Variants in PLEKHM3 observed in about 807,000 individuals in gnomAD.
The protein encoded by PLEKHM3 is pleckstrin homology domain containing M3, also known as pleckstrin homology domain-containing family M member 3.
Under a neutral mutation model 81.8 loss-of-function variants are expected in PLEKHM3, and 45 were observed. The ratio of observed to expected loss-of-function variants is 0.55; its 90% CI spans 0.43 to 0.71. The LOEUF is 0.71. Ranked by LOEUF, PLEKHM3 falls within the 30% of genes least tolerant of loss-of-function variation. PLEKHM3 has a pLI of 0.00. For missense variants in PLEKHM3, 788 were observed against 924.3 expected (o/e 0.85, Z 1.91); for synonymous variants, 352 against 356.4 (o/e 0.99, Z 0.14).
At chr2:207,838,096 T>C (rs900554745) in intron 7 of PLEKHM3, among the ~76,000 whole-genome samples, 44 of 152,220 alleles carry the variant, frequency 2.9e-4, no homozygotes, top group Non-Finnish European at 6.0e-4. Flanking sequence ...TTTTATTAAG[T>C]CAGTCAGTAA....
At position 207,826,831 on chromosome 2, in the gene PLEKHM3, T is replaced by C. The variant is rs566088199; in HGVS notation, c.*1488A>G. 1 of 152,210 alleles carries C rather than the reference T, an allele frequency of 6.6e-6. No homozygotes were observed. Among genetic ancestry groups the C allele is most frequent in the Non-Finnish European group, 1.5e-5 (1 of 68,042 alleles). The allele number at this position is 152,210 out of a possible 1,614,324, so 9.4% of individuals were successfully genotyped here. A position where few individuals can be genotyped will look rare whatever the true frequency, so the allele number is the denominator to read the frequency against. Reference sequence around the variant, plus strand: ...GCGCGAAAGCTACAGAATCTTCTCATAAAGTCTACTGAGAACTGTTCCATT... The same window carrying C: ...GCGCGAAAGCTACAGAATCTTCTCACAAAGTCTACTGAGAACTGTTCCATT... On this transcript the variant is annotated 3_prime_UTR_variant, in exon 8 of 8. Transcript: ENST00000427836.
At chr2:207,971,961 G>T (rs1691136783) in intron 3 of PLEKHM3, among the ~76,000 whole-genome samples, 1 of 152,176 alleles carries the variant, frequency 6.6e-6, no homozygotes, top group African/African-American at 2.4e-5. Context: ...ATTTCACATA[G>T]TTCTACCTGG....
intron 6 of PLEKHM3, among the ~76,000 whole-genome samples, chr2:207,902,445 G>T (rs1197569634): frequency 2.0e-5 from 3 of 152,168 alleles, no homozygotes; most frequent in East Asian, 1.9e-4. Flanking sequence ...AACAGTTGAG[G>T]TAAGACCACT....
At chr2:207,909,725 C>T (rs960129827) in intron 5 of PLEKHM3, among the ~76,000 whole-genome samples, 3 of 152,116 alleles carry the variant, frequency 2.0e-5, no homozygotes, top group South Asian at 2.1e-4. Flanking sequence ...CTGGGTAGAG[C>T]CCATAAATCA....
At chr2:207,994,571 A>C (rs1391917405) in intron 2 of PLEKHM3, among the ~76,000 whole-genome samples, 2 of 151,972 alleles carry the variant, frequency 1.3e-5, no homozygotes, top group Admixed American at 6.6e-5. Context: ...GCCCACTCTC[A>C]GGGCTAGTTC....
chr2:208,024,625 A>G (rs1693258842), intron 1 of PLEKHM3, among the ~76,000 whole-genome samples: 1 of 152,224 alleles, frequency 6.6e-6, no homozygotes, highest in Non-Finnish European at 1.5e-5. Flanking sequence ...ATAATAAAAT[A>G]CTTTATAAAT....
chr2:207,882,334 G>A (rs867035773), intron 6 of PLEKHM3, among the ~76,000 whole-genome samples: 10 of 150,742 alleles, frequency 6.6e-5, no homozygotes, highest in African/African-American at 2.2e-4. Flanking sequence ...TGGGTTGGCC[G>A]GATGCGGTGG....
Position 207,976,244 on chromosome 2 carries a change from T to C in PLEKHM3, c.1546+407A>G, listed in dbSNP as rs528181356. ...GTGGCCATTTTCCTTGCCTAAGGAG[T>C]TTTAGTAGTCAGCTTTGGACTTGAA... On this transcript the variant is annotated intron_variant, in intron 3 of 7. Coordinates refer to ENST00000427836, the MANE Select transcript of PLEKHM3 (RefSeq NM_001080475.3). The surrounding 1 kb of genome is among the most constrained non-coding windows in gnomAD (Gnocchi z 4.1). Among the ~76,000 whole-genome samples, 1 of 152,200 alleles carries C rather than the reference T, an allele frequency of 6.6e-6. No homozygotes were observed. Among genetic ancestry groups the C allele is most frequent in the African/African-American group, 2.4e-5 (1 of 41,514 alleles).
chr2:207,967,646 C>T (rs1448496991), intron 3 of PLEKHM3, among the ~76,000 whole-genome samples: 1 of 152,208 alleles, frequency 6.6e-6, no homozygotes, highest in Admixed American at 6.5e-5. Context: ...AAAGTTATAG[C>T]GGCTTTTGCC....
chr2:207,843,325 A>G lies in PLEKHM3; in HGVS notation c.2109-14829T>C, dbSNP rs1252108810. 6.6e-6 allele frequency among the ~76,000 whole-genome samples: 1 copy of G among 152,166 alleles called. No individual in the cohort carries two copies. The highest frequency in any genetic ancestry group is 2.1e-4 in the South Asian group (1 of 4,830). On this transcript the variant is annotated intron_variant, in intron 7 of 7. Coordinates refer to ENST00000427836, the MANE Select transcript of PLEKHM3 (RefSeq NM_001080475.3). The surrounding 1 kb of genome is among the most constrained non-coding windows in gnomAD (Gnocchi z 4.4). ...AGCCACCTCCCCAGACCCCTCTCTG[A>G]GAAAAAGTGAGGTAACAAACTAATG...
At chr2:207,977,916 G>A (rs532493982) in intron 2 of PLEKHM3, among the ~76,000 whole-genome samples, 10 of 152,100 alleles carry the variant, frequency 6.6e-5, no homozygotes, top group East Asian at 1.9e-4. Context: ...GTGAGAGCCC[G>A]TCTCTATAAA....
At chr2:207,845,461 C>G (rs965656675) in intron 7 of PLEKHM3, among the ~76,000 whole-genome samples, 1 of 152,176 alleles carries the variant, frequency 6.6e-6, no homozygotes, top group South Asian at 2.1e-4. Context: ...AAAGCACATG[C>G]TAAAAACCGA....
At chr2:208,010,873 A>T (rs2106111906) in intron 1 of PLEKHM3, among the ~76,000 whole-genome samples, 1 of 152,328 alleles carries the variant, frequency 6.6e-6, no homozygotes, top group South Asian at 2.1e-4. Flanking sequence ...AGTTAATCTC[A>T]GGAAAAAATC....
At position 207,843,447 on chromosome 2, in the gene PLEKHM3, A is replaced by G. The variant is rs1160420005; in HGVS notation, c.2109-14951T>C. ...ACTAGATCTCTCACTTTTAAACAGT[A>G]TATCTTAAATGTGCTTTCAGGGAAG... On this transcript the variant is annotated intron_variant, in intron 7 of 7. Coordinates refer to ENST00000427836, the MANE Select transcript of PLEKHM3 (RefSeq NM_001080475.3). This position sits in a 1 kb window ranked among gnomAD's most constrained non-coding sequence, Gnocchi z 4.4. Among the ~76,000 whole-genome samples the G allele has an allele frequency of 6.6e-6, 1 of 152,192 alleles. No homozygotes were observed. The highest frequency in any genetic ancestry group is 6.5e-5 in the Admixed American group (1 of 15,278).
chr2:207,911,251 C>G (rs1688801481), intron 5 of PLEKHM3, among the ~76,000 whole-genome samples: 1 of 152,152 alleles, frequency 6.6e-6, no homozygotes, highest in South Asian at 2.1e-4. Flanking sequence ...CTAGAACTAT[C>G]TAAAAGTGTA....
At chr2:207,981,161 CAAG>C (rs1424031440) in intron 2 of PLEKHM3, among the ~76,000 whole-genome samples, 2 of 150,626 alleles carry the variant, frequency 1.3e-5, no homozygotes, top group Non-Finnish European at 3.0e-5. Flanking sequence ...AAAAGAAAAA[CAAG>C]AAGAAAAATA....
chr2:207,989,901 G>T (rs1231044982), intron 2 of PLEKHM3, among the ~76,000 whole-genome samples: 4 of 152,204 alleles, frequency 2.6e-5, no homozygotes, highest in African/African-American at 9.6e-5. Context: ...CCCCTCCTGG[G>T]AAACTGCCCA....
At chr2:208,003,351 G>A (rs961700071) in intron 1 of PLEKHM3, among the ~76,000 whole-genome samples, 10 of 152,068 alleles carry the variant, frequency 6.6e-5, no homozygotes, top group Non-Finnish European at 1.2e-4. Context: ...ATATGTTATC[G>A]CAAAGGTAGA....
intron 4 of PLEKHM3, among the ~76,000 whole-genome samples, chr2:207,938,768 T>G (rs1338885166): frequency 6.6e-6 from 1 of 152,072 alleles, no homozygotes; most frequent in East Asian, 1.9e-4. Flanking sequence ...ATGAAGCGAG[T>G]GTACCTAATA....
Sources: allele counts gnomAD v4.1 joint callset (sites outside exome capture counted in the v4.1 genomes callset), GRCh38; gene constraint gnomAD v4.1.1; non-coding constraint Gnocchi (gnomAD v3.1); transcripts MANE v1.5; gene names NCBI Gene and HGNC (gene_info 2026-07-23, HGNC 2026-07-21).